The following SFMBT2 variants were observed in gnomAD, a reference collection of about 807,000 sequenced individuals.
SFMBT2 encodes the protein scm-like with four MBT domains protein 2.
In SFMBT2, 38 loss-of-function variants were observed where a neutral mutation model predicts 110.1. The ratio of observed to expected loss-of-function variants is 0.35; its 90% confidence interval spans 0.27 to 0.45. The LOEUF (loss-of-function observed/expected upper bound fraction) is 0.45. SFMBT2 is among the 20% of genes least tolerant of loss of function. SFMBT2 has a pLI of 1.00. For missense variants in SFMBT2, 1,011 were observed against 1,094.9 expected, an observed-to-expected ratio of 0.92 and a Z score of 1.08; for synonymous variants, 425 against 425.4, an observed-to-expected ratio of 1.00 and a Z score of 0.01.
chr10:7,212,934 C>T (rs1399009235), intron 11 of SFMBT2, among the ~76,000 whole-genome samples: 1 of 152,196 alleles, frequency 6.6e-6, no homozygotes, highest in Non-Finnish European at 1.5e-5. Context: ...TTTGCAGGGA[C>T]ATGGATGAAG....
At chr10:7,315,081 A>AAAGAAAGG (rs1842966317) in intron 4 of SFMBT2, among the ~76,000 whole-genome samples, 1 of 145,632 alleles carries the variant, frequency 6.9e-6, no homozygotes, top group Non-Finnish European at 1.5e-5. Context: ...AGAAAGAAAG[A>AAAGAAAGG]AAGAAAGAAA....
intron 15 of SFMBT2, among the ~76,000 whole-genome samples, chr10:7,195,309 C>A (rs1485861041): frequency 6.6e-6 from 1 of 152,214 alleles, no homozygotes; most frequent in East Asian, 1.9e-4. Context: ...TTAGCATTAA[C>A]TAGCGGTCCT....
intron 2 of SFMBT2, among the ~76,000 whole-genome samples, chr10:7,375,643 A>C (rs1845179802): frequency 6.6e-6 from 1 of 152,120 alleles, no homozygotes; most frequent in Non-Finnish European, 1.5e-5. Flanking sequence ...ATCTGAGCTC[A>C]CAACTGCAGA....
chr10:7,193,464 C>G (rs76823580), intron 15 of SFMBT2, among the ~76,000 whole-genome samples: 1 of 152,210 alleles, frequency 6.6e-6, no homozygotes, highest in Non-Finnish European at 1.5e-5. Flanking sequence ...AATGTCCCCC[C>G]ACCATGATGT....
intron 2 of SFMBT2, among the ~76,000 whole-genome samples, chr10:7,380,654 C>CG (rs1845393500): frequency 6.7e-6 from 1 of 150,056 alleles, no homozygotes; most frequent in Non-Finnish European, 1.5e-5. Context: ...CAATGCAACC[C>CG]TTTTTTTTTT....
chr10:7,302,101 C>T (rs954542003), intron 4 of SFMBT2, among the ~76,000 whole-genome samples: 12 of 152,150 alleles, frequency 7.9e-5, no homozygotes, highest in Non-Finnish European at 1.3e-4. Flanking sequence ...CATGACCTAC[C>T]TTGATAACTC....
intron 16 of SFMBT2, among the ~76,000 whole-genome samples, chr10:7,177,077 C>T (rs80217685): frequency 4.6e-5 from 7 of 152,078 alleles, no homozygotes; most frequent in Non-Finnish European, 1.0e-4. Flanking sequence ...GCTCTCCAGT[C>T]CCCCCAGCAA....
chr10:7,230,879 C>A (rs1265574763), intron 9 of SFMBT2, among the ~76,000 whole-genome samples: 1 of 152,134 alleles, frequency 6.6e-6, no homozygotes, highest in Non-Finnish European at 1.5e-5. Flanking sequence ...TTGCTGTGAG[C>A]CAACATCACA....
chr10:7,303,336 A>T (rs1212802505), intron 4 of SFMBT2, among the ~76,000 whole-genome samples: 1 of 152,272 alleles, frequency 6.6e-6, no homozygotes, highest in Non-Finnish European at 1.5e-5. Context: ...TGTTTAACAA[A>T]ACAAAAACTA....
intron 11 of SFMBT2, chr10:7,215,475 T>C (rs1300375370): frequency 2.5e-6 from 2 of 814,716 alleles, no homozygotes; most frequent in Non-Finnish European, 3.0e-6. Flanking sequence ...GGGATCTCCA[T>C]AGATTAATTA....
chr10:7,335,952 A>G (rs961684373), intron 4 of SFMBT2, among the ~76,000 whole-genome samples: 9 of 152,210 alleles, frequency 5.9e-5, no homozygotes, highest in African/African-American at 2.2e-4. Context: ...CTCAGCCACT[A>G]AAAAGAAAAA....
chr10:7,228,953 G>C (rs752817875), intron 9 of SFMBT2, among the ~76,000 whole-genome samples: 28 of 151,886 alleles, frequency 1.8e-4, no homozygotes, highest in Admixed American at 3.9e-4. Flanking sequence ...CCTCTTAATG[G>C]GAGTCTCATC....
chr10:7,197,866 C>G (rs1426408845), intron 14 of SFMBT2, among the ~76,000 whole-genome samples, 179 bp from the exon 15 acceptor site: 3 of 152,188 alleles, frequency 2.0e-5, no homozygotes, highest in Non-Finnish European at 4.4e-5. Context: ...AACACAATAA[C>G]CGTGACAGCC....
At chr10:7,362,932 G>A (rs140872034) in intron 4 of SFMBT2, among the ~76,000 whole-genome samples, 4 of 152,136 alleles carry the variant, frequency 2.6e-5, no homozygotes, top group South Asian at 2.1e-4. Context: ...TCCATTCCTC[G>A]TGCATTATAT....
chr10:7,317,528 C>T (rs1014235091), intron 4 of SFMBT2, among the ~76,000 whole-genome samples: 1 of 150,876 alleles, frequency 6.6e-6, no homozygotes, highest in African/African-American at 2.4e-5. Context: ...GTAATCCCAG[C>T]TACTCAGGAG....
At chr10:7,382,207 C>T (rs917710214) in intron 1 of SFMBT2, among the ~76,000 whole-genome samples, 1 of 151,956 alleles carries the variant, frequency 6.6e-6, no homozygotes, top group African/African-American at 2.4e-5. Flanking sequence ...GTCAGGAGTT[C>T]GAGACCACCC....
rs1156798335 is a variant in SFMBT2 at position 7,170,278 on chromosome 10, GC to G, written c.2544+649del. On this transcript the variant is annotated intron_variant, in intron 20 of 20. Coordinates refer to ENST00000397167, the MANE Select transcript of SFMBT2 (RefSeq NM_001387889.1). The surrounding 1 kb of genome is among the most constrained non-coding windows in gnomAD (Gnocchi z 4.6). Reference sequence around the variant, plus strand: ...GCTGAAGAAGCTGCAACCCAGATTTGCCAAAAGGCACTGACAGGAGGCTCAA... The same window carrying G: ...GCTGAAGAAGCTGCAACCCAGATTTGCAAAAGGCACTGACAGGAGGCTCAA... 3.3e-5 allele frequency among the ~76,000 whole-genome samples: 5 copies of G among 152,202 alleles called. No homozygotes were observed. Among genetic ancestry groups the G allele is most frequent in the African/African-American group, 4.8e-5 (2 of 41,456 alleles).
At chr10:7,230,434 T>C (rs924447110) in intron 9 of SFMBT2, among the ~76,000 whole-genome samples, 11 of 152,194 alleles carry the variant, frequency 7.2e-5, no homozygotes, top group Admixed American at 5.9e-4. Context: ...TCTGGAGCTG[T>C]CTGGATCAAA....
intron 14 of SFMBT2, among the ~76,000 whole-genome samples, chr10:7,198,530 T>C (rs1838847801): frequency 1.3e-5 from 2 of 152,212 alleles, no homozygotes; most frequent in Admixed American, 6.5e-5. Context: ...GTTAGCACCA[T>C]GGAAGGGCTC....
Sources: allele counts gnomAD v4.1 joint callset (sites outside exome capture counted in the v4.1 genomes callset), GRCh38; gene constraint gnomAD v4.1.1; non-coding constraint Gnocchi (gnomAD v3.1); transcripts MANE v1.5; gene names NCBI Gene and HGNC (gene_info 2026-07-23, HGNC 2026-07-21).